Variants in PSMD2 observed in about 807,000 individuals in gnomAD.
The protein encoded by PSMD2 is proteasome 26S subunit ubiquitin receptor, non-ATPase 2.
PSMD2 carries 8 observed loss-of-function variants against 101.5 expected under a neutral mutation model. The observed-to-expected ratio is 0.08, with a 90% confidence interval of 0.05 to 0.14. The LOEUF (loss-of-function observed/expected upper bound fraction) is 0.14, where lower values mean the gene tolerates loss of function less well. PSMD2 is among the 10% of genes least tolerant of loss of function. The pLI is 1.00. For missense variants in PSMD2, 784 were observed against 1,147.4 expected, an observed-to-expected ratio of 0.68 and a Z score of 4.58; for synonymous variants, 418 against 433.8, an observed-to-expected ratio of 0.96 and a Z score of 0.45.
Position 184,303,357 on chromosome 3 carries a change from C to A in PSMD2, c.1107C>A (p.Arg369=). The A allele has an allele frequency of 6.2e-7, 1 of 1,614,072 alleles. No homozygotes were observed. Among genetic ancestry groups the A allele is most frequent in the Non-Finnish European group, 8.5e-7 (1 of 1,180,022 alleles). The change falls in exon 9 of 21, where the codon CGC becomes CGA. Residue 369 remains arginine (R), a synonymous_variant. Coordinates refer to ENST00000310118, the MANE Select transcript of PSMD2 (RefSeq NM_002808.5). ...GTGGCTCTCAGGTGGACTCTGCCCG[C>A]ATGAACCTGGCCTCCTCTTTTGTGA... ...GGSGSQVDSA[R]MNLASSFVNG...
rs974713149 is a variant in PSMD2 at position 184,308,125 on chromosome 3, G to A, written c.2425+109G>A. On this transcript the variant is annotated intron_variant, in intron 19 of 20. Coordinates refer to ENST00000310118, the MANE Select transcript of PSMD2 (RefSeq NM_002808.5). The surrounding 1 kb of genome is among the most constrained non-coding windows in gnomAD (Gnocchi z 6.0). Reference sequence around the variant, plus strand: ...CAAGACCCCAGTTTAGCTCTGTATCGCTCTAGGTTTCTGAGACAGGCTTTG... The same window carrying A: ...CAAGACCCCAGTTTAGCTCTGTATCACTCTAGGTTTCTGAGACAGGCTTTG... The A allele has an allele frequency of 2.2e-5, 31 of 1,396,250 alleles. No individual in the cohort carries two copies. The highest frequency in any genetic ancestry group is 1.9e-4 in the African/African-American group (13 of 69,672). 86.5% of individuals were successfully genotyped at this position (1,396,250 alleles called of 1,614,324 possible).
At chr3:184,299,815 C>A (rs765948838) in intron 1 of PSMD2, 36 bp from the exon 2 acceptor site, 1 of 1,577,672 alleles carries the variant, frequency 6.3e-7, no homozygotes, top group South Asian at 1.1e-5. Flanking sequence ...CTTTGGGATT[C>A]CTTCTCTTCA....
At position 184,307,909 on chromosome 3, in the gene PSMD2, A is replaced by G; in HGVS notation, c.2318A>G (p.Lys773Arg). The G allele has an allele frequency of 6.2e-7, 1 of 1,614,118 alleles. No homozygotes were observed. The highest frequency in any genetic ancestry group is 8.5e-7 in the Non-Finnish European group (1 of 1,180,022). ...RLAQGLTHLG[K>R]GTLTLCPYHS... ...TTTCAGGGCCTGACACATTTAGGGAAGGGCACCCTTACCCTCTGCCCCTAC... is the reference window on the plus strand; with the variant it reads ...TTTCAGGGCCTGACACATTTAGGGAGGGGCACCCTTACCCTCTGCCCCTAC... The change falls in exon 19 of 21, where the codon AAG (lysine) becomes AGG (arginine). Residue 773 changes from lysine to arginine, a missense_variant. This residue lies in a region of PSMD2 where 282 missense variants were observed against 437.6 expected (regional missense o/e 0.64). Coordinates refer to ENST00000310118, the MANE Select transcript of PSMD2 (RefSeq NM_002808.5).
At position 184,306,083 on chromosome 3, in the gene PSMD2, G is replaced by T; in HGVS notation, c.1732G>T (p.Ala578Ser). 6.2e-7 allele frequency: 1 copy of T among 1,614,194 alleles called. No individual in the cohort carries two copies. Among genetic ancestry groups the T allele is most frequent in the Non-Finnish European group, 8.5e-7 (1 of 1,180,044 alleles). Residue 578 changes from alanine (A) to serine (S), a missense_variant, in exon 14 of 21, where the codon GCT (alanine) becomes TCT (serine). By Grantham distance (99) the Ala-to-Ser change is moderately conservative. Coordinates refer to ENST00000310118, the MANE Select transcript of PSMD2 (RefSeq NM_002808.5). ...GKGEAIEAIL[A>S]ALEVVSEPFR... ...GGGTGAGGCCATCGAGGCAATCCTG[G>T]CTGCACTGGAGGTTGTGTCAGAGCC...
Position 184,302,130 on chromosome 3 carries a change from A to G in PSMD2, c.704+59A>G, listed in dbSNP as rs906776405. ...TGCCCTCCTCAGCACCTCTCTCTCA[A>G]TTGCGCCTCCTCTATTTTCCCAGAG... On this transcript the variant is annotated intron_variant, in intron 5 of 20. Transcript: ENST00000310118. 5.3e-5 allele frequency: 81 copies of G among 1,532,540 alleles called. 2 individuals are homozygous for G. The Admixed American group carries it at 7.6e-4, about 14-fold the overall frequency. The allele number at this position is 1,532,540 out of a possible 1,614,324, so 94.9% of individuals were successfully genotyped here.
chr3:184,305,449 A>G (rs552939794), intron 12 of PSMD2, among the ~76,000 whole-genome samples: 1 of 151,040 alleles, frequency 6.6e-6, no homozygotes, highest in East Asian at 2.0e-4. Flanking sequence ...AAATCGCGAC[A>G]CTGCACTCCA....
chr3:184,307,204 A>G (rs1721861827), intron 16 of PSMD2, 153 bp from the exon 17 acceptor site: 1 of 796,314 alleles, frequency 1.3e-6, no homozygotes, highest in Non-Finnish European at 2.0e-6. Context: ...CGGCCTCCCA[A>G]AGTGCTGGGA....
chr3:184,305,764 C>G lies in PSMD2; in HGVS notation c.1540-4C>G, dbSNP rs1342025580. 1 of 1,612,988 alleles carries G rather than the reference C, an allele frequency of 6.2e-7. No homozygotes were observed. Among genetic ancestry groups the G allele is most frequent in the East Asian group, 2.2e-5 (1 of 44,878 alleles). ...CTGTGTAATACTGATTTTCCTACCTCTAGGTGGCAGGTGTCACAGCTTTAG... is the reference window on the plus strand; with the variant it reads ...CTGTGTAATACTGATTTTCCTACCTGTAGGTGGCAGGTGTCACAGCTTTAG... On this transcript the variant is annotated splice_region_variant and splice_polypyrimidine_tract_variant and intron_variant, in intron 12 of 20. Transcript: ENST00000310118.
At chr3:184,306,013 T>C (rs763703376) in intron 13 of PSMD2, 41 bp from the exon 14 acceptor site, 17 of 1,613,750 alleles carry the variant, frequency 1.1e-5, no homozygotes, top group Non-Finnish European at 1.4e-5. Flanking sequence ...CTGTGCTGGA[T>C]GGAGGCAAGT....
At chr3:184,305,370 T>A (rs1173910518) in intron 12 of PSMD2, among the ~76,000 whole-genome samples, 1 of 151,682 alleles carries the variant, frequency 6.6e-6, no homozygotes, top group African/African-American at 2.4e-5. Flanking sequence ...GCACCTATAG[T>A]CCCAGCTACT....
intron 14 of PSMD2, 52 bp from the exon 15 acceptor site, chr3:184,306,298 T>C (rs1046493180): frequency 2.0e-5 from 32 of 1,600,232 alleles, no homozygotes; most frequent in Non-Finnish European, 2.5e-5. Flanking sequence ...TCCAAAGCTT[T>C]TCCTTGGTAA....
intron 16 of PSMD2, 72 bp downstream of exon 16, chr3:184,306,906 T>C (rs1050197814): frequency 2.5e-6 from 3 of 1,222,626 alleles, no homozygotes; most frequent in Non-Finnish European, 3.5e-6. Flanking sequence ...AAGATTTTTC[T>C]GATGGGTTTT....
Position 184,299,293 on chromosome 3 carries a change from G to C in PSMD2, c.27G>C (p.Ala9=). The C allele has an allele frequency of 5.8e-6, 8 of 1,372,012 alleles. No homozygotes were observed. Among genetic ancestry groups the C allele is most frequent in the Admixed American group, 3.5e-5 (1 of 28,844 alleles). 85.0% of individuals were successfully genotyped at this position (1,372,012 alleles called of 1,614,324 possible). Residue 9 remains alanine, a synonymous_variant, in exon 1 of 21, where the codon GCG becomes GCC. Coordinates refer to ENST00000310118, the MANE Select transcript of PSMD2 (RefSeq NM_002808.5). ...TGGAGGAGGGAGGCCGGGACAAGGC[G>C]CCGGTGCAGCCCCAGCAGTCTCCAG... MEEGGRDK[A]PVQPQQSPAA...
chr3:184,307,019 A>G (rs776161299), intron 16 of PSMD2, among the ~76,000 whole-genome samples, 185 bp downstream of exon 16: 1 of 152,010 alleles, frequency 6.6e-6, no homozygotes, highest in Non-Finnish European at 1.5e-5. Flanking sequence ...GTCTTGGCCC[A>G]CTGCAACCTC....
At position 184,308,970 on chromosome 3, in the gene PSMD2, A is replaced by G. The variant is rs1189524262; in HGVS notation, c.*80A>G. 1.4e-5 allele frequency: 20 copies of G among 1,436,528 alleles called. No homozygotes were observed. Among genetic ancestry groups the G allele is most frequent in the Non-Finnish European group, 1.8e-5 (19 of 1,050,370 alleles). 89.0% of individuals were successfully genotyped at this position (1,436,528 alleles called of 1,614,324 possible). ...TGCTGCCAAGGGTGGACACGGCTGC[A>G]GACTTCTGGGGGAATTGTCGCCTCC... On this transcript the variant is annotated 3_prime_UTR_variant, in exon 21 of 21. Transcript: ENST00000310118. The surrounding 1 kb of genome is among the most constrained non-coding windows in gnomAD (Gnocchi z 6.0).
At chr3:184,300,144 C>CA (rs1397238234) in intron 2 of PSMD2, 136 bp from the exon 3 acceptor site, 1 of 1,005,228 alleles carries the variant, frequency 9.9e-7, no homozygotes, top group African/African-American at 1.6e-5. Flanking sequence ...AGGCAGGGTG[C>CA]AGGGAGTTGA....
Position 184,308,758 on chromosome 3 carries a change from C to T in PSMD2, c.2595C>T (p.Phe865=), listed in dbSNP as rs11545171. Residue 865 remains phenylalanine, a synonymous_variant, in exon 21 of 21, where the codon TTC becomes TTT. Coordinates refer to ENST00000310118, the MANE Select transcript of PSMD2 (RefSeq NM_002808.5). This position sits in a 1 kb window ranked among gnomAD's most constrained non-coding sequence, Gnocchi z 6.0. ...GCAAGCCGAAGACTATCACAGGGTT[C>T]CAGACGCATACAACCCCAGTGTTGT... ...QAGKPKTITG[F]QTHTTPVLLA... is the part of the protein sequence containing the mutation. 3 of 1,614,144 alleles carry T rather than the reference C, an allele frequency of 1.9e-6. No homozygotes were observed. The highest frequency in any genetic ancestry group is 1.3e-5 in the African/African-American group (1 of 75,046).
In PSMD2 at chr3:184,306,099, T is replaced by C; in HGVS notation, c.1748T>C (p.Val583Ala). 1.2e-6 allele frequency: 2 copies of C among 1,614,244 alleles called. No individual in the cohort carries two copies. The change falls in exon 14 of 21, where the codon GTG becomes GCG. Residue 583 changes from valine to alanine, a missense_variant. Physicochemically the swap from Val to Ala is moderately conservative, Grantham distance 64 (BLOSUM62 0). Around this residue, in one of 6 missense-constraint regions of PSMD2, gnomAD observed 282 missense variants for 437.6 expected, o/e 0.64. Transcript: ENST00000310118. Reference protein sequence around the residue: ...IEAILAALEVVSEPFRSFANT... With the variant: ...IEAILAALEVASEPFRSFANT... ...GCAATCCTGGCTGCACTGGAGGTTG[T>C]GTCAGAGCCATTCCGCAGTTTTGCC...
Position 184,302,018 on chromosome 3 carries a change from G to A in PSMD2, c.651G>A (p.Leu217=), listed in dbSNP as rs771069282. Residue 217 remains leucine (L), a synonymous_variant, in exon 5 of 21, where the codon CTG becomes CTA. Coordinates refer to ENST00000310118, the MANE Select transcript of PSMD2 (RefSeq NM_002808.5). The stretch of plus-strand genomic sequence containing the variant: ...TGGAAATTGAGCAGGTGGACATGCT[G>A]GAGAAGGACATTGATGAAAATGCAT... ...LLMEIEQVDM[L]EKDIDENAYA... 3.1e-6 allele frequency: 5 copies of A among 1,614,204 alleles called. No homozygotes were observed. Among genetic ancestry groups the A allele is most frequent in the Non-Finnish European group, 4.2e-6 (5 of 1,180,044 alleles).
Sources: gnomAD v4.1 joint callset for allele counts (sites outside exome capture counted in the v4.1 genomes callset) on GRCh38, gnomAD v4.1.1 for gene constraint, gnomAD v4.1.1 regional missense constraint, Gnocchi (gnomAD v3.1) non-coding constraint, MANE v1.5 for transcripts, NCBI Gene and HGNC (gene_info 2026-07-23, HGNC 2026-07-21) for gene names.